The following HPS5 variants were observed in gnomAD, a reference collection of about 807,000 sequenced individuals.
HPS5 encodes HPS5 biogenesis of lysosomal organelles complex 2 subunit 2.
In HPS5, 83 loss-of-function variants were observed where a neutral mutation model predicts 128.0. The observed-to-expected ratio is 0.65, with a 90% confidence interval of 0.54 to 0.78. The LOEUF is 0.78. Among genes scored for constraint, HPS5 ranks in the 30% least tolerant of loss-of-function variants. HPS5 has a pLI of 0.00. For missense variants in HPS5, 1,281 were observed against 1,326.2 expected (o/e 0.97, Z 0.53); for synonymous variants, 475 against 470.2 (o/e 1.01, Z -0.13).
chr11:18,305,422 CTAAGATG>C lies in HPS5; in HGVS notation c.889_895del (p.His297ValfsTer6). 6.3e-7 allele frequency: 1 copy of C among 1,585,606 alleles called. No individual in the cohort carries two copies. Among genetic ancestry groups the C allele is most frequent in the Non-Finnish European group, 8.7e-7 (1 of 1,154,396 alleles). ...AGAACTAAGGAAAGTAGAAACTTACCTAAGATGTAAGAGTTTGGGGAAAGACAAAGAC... is the reference window on the plus strand; with the variant it reads ...AGAACTAAGGAAAGTAGAAACTTACCTAAGAGTTTGGGGAAAGACAAAGAC... On this transcript the variant is annotated frameshift_variant and splice_region_variant, in exon 8 of 23. Coordinates refer to ENST00000349215, the MANE Select transcript of HPS5 (RefSeq NM_181507.2). LOFTEE classifies it high-confidence loss of function.
intron 13 of HPS5, 122 bp from the exon 14 acceptor site, chr11:18,295,291 CTG>C: frequency 1.3e-6 from 1 of 775,554 alleles, no homozygotes; most frequent in Admixed American, 2.3e-5. Flanking sequence ...TTAGTAAAGA[CTG>C]TTTATAGCAA....
rs547817148 is a variant in HPS5 at position 18,321,989 on chromosome 11, G to A, written c.-93C>T. 1 of 152,706 alleles carries A rather than the reference G, an allele frequency of 6.5e-6. No homozygotes were observed. Among genetic ancestry groups the A allele is most frequent in the Non-Finnish European group, 1.5e-5 (1 of 68,326 alleles). The allele number at this position is 152,706 out of a possible 1,614,324, so 9.5% of individuals were successfully genotyped here. A position where few individuals can be genotyped will look rare whatever the true frequency, so the allele number is the denominator to read the frequency against. On this transcript the variant is annotated 5_prime_UTR_variant, in exon 1 of 23. Coordinates refer to ENST00000349215, the MANE Select transcript of HPS5 (RefSeq NM_181507.2). The stretch of plus-strand genomic sequence containing the variant: ...TTTAATATCTTGAGATTTCTTGAGA[G>A]GAGACCCAGTAACCAATTTTCAAAG...
intron 15 of HPS5, among the ~76,000 whole-genome samples, 162 bp downstream of exon 15, chr11:18,292,737 G>A (rs1860568513): frequency 1.3e-5 from 2 of 152,142 alleles, no homozygotes; most frequent in South Asian, 2.1e-4. Flanking sequence ...TTAGTCCTAG[G>A]AAGGCAACTT....
At chr11:18,319,918 A>G (rs1864114869) in intron 1 of HPS5, among the ~76,000 whole-genome samples, 1 of 152,110 alleles carries the variant, frequency 6.6e-6, no homozygotes, top group Non-Finnish European at 1.5e-5. Context: ...AGATAAAACC[A>G]TGGTACAGGA....
rs372380096 is a variant in HPS5 at position 18,287,699 on chromosome 11, A to G, written c.2562-9T>C. 5 of 1,614,010 alleles carry G rather than the reference A, an allele frequency of 3.1e-6. No homozygotes were observed. The highest frequency in any genetic ancestry group is 4.5e-5 in the East Asian group (2 of 44,876). Reference sequence around the variant, plus strand: ...CAAACTTTTCATACAACCTGCATTTAAAAACAAAACACTTTAGTCTCTAAT... The same window carrying G: ...CAAACTTTTCATACAACCTGCATTTGAAAACAAAACACTTTAGTCTCTAAT... On this transcript the variant is annotated splice_polypyrimidine_tract_variant and intron_variant, in intron 17 of 22. Coordinates refer to ENST00000349215, the MANE Select transcript of HPS5 (RefSeq NM_181507.2).
Position 18,285,478 on chromosome 11 carries a change from T to C in HPS5, c.2838-19A>G. 7 of 1,441,036 alleles carry C rather than the reference T, an allele frequency of 4.9e-6. No homozygotes were observed. The highest frequency in any genetic ancestry group is 6.8e-6 in the Non-Finnish European group (7 of 1,022,720). The allele number at this position is 1,441,036 out of a possible 1,614,324, so 89.3% of individuals were successfully genotyped here. ...ATGAGGCCTATGAAATGAAAAGGAA[T>C]CAGTAAATTAGATAGGAAATAAACT... On this transcript the variant is annotated intron_variant, in intron 19 of 22. Coordinates refer to ENST00000349215, the MANE Select transcript of HPS5 (RefSeq NM_181507.2).
chr11:18,292,921 T>G lies in HPS5; in HGVS notation c.1840A>C (p.Lys614Gln), dbSNP rs1333813289. The G allele has an allele frequency of 1.2e-6, 2 of 1,614,050 alleles. No homozygotes were observed. Among genetic ancestry groups the G allele is most frequent in the Non-Finnish European group, 1.7e-6 (2 of 1,179,838 alleles). The change falls in exon 15 of 23, where the codon AAA becomes CAA. Residue 614 changes from lysine (K) to glutamine (Q), a missense_variant. Coordinates refer to ENST00000349215, the MANE Select transcript of HPS5 (RefSeq NM_181507.2). ...PPEEDRFQELKVATAEAMTKL... is the reference protein window; with the variant it reads ...PPEEDRFQELQVATAEAMTKL... ...CACATTGCTTCTGCTGTTGCTACTT[T>G]AAGCTCCTGGAACCTGTCTTCTTCT...
In HPS5 at chr11:18,310,845, T is replaced by G; in HGVS notation, c.373A>C (p.Arg125=). 6.2e-7 allele frequency: 1 copy of G among 1,612,762 alleles called. No homozygotes were observed. Among genetic ancestry groups the G allele is most frequent in the East Asian group, 2.2e-5 (1 of 44,788 alleles). ...GTATCCCAGCAGAGAGCTGTGACTCTTCGGCCTTTGTGTTCTGAAGACACA... is the reference window on the plus strand; with the variant it reads ...GTATCCCAGCAGAGAGCTGTGACTCGTCGGCCTTTGTGTTCTGAAGACACA... ...MYVSSEHKGR[R]VTALCWDTAI... is the part of the protein sequence containing the mutation. The change falls in exon 5 of 23, where the codon AGA becomes CGA. Residue 125 remains arginine (R), a synonymous_variant. Coordinates refer to ENST00000349215, the MANE Select transcript of HPS5 (RefSeq NM_181507.2).
chr11:18,318,517 A>G (rs950060869), intron 1 of HPS5, among the ~76,000 whole-genome samples: 2 of 152,264 alleles, frequency 1.3e-5, no homozygotes, highest in African/African-American at 4.8e-5. Flanking sequence ...GAGACTAGAT[A>G]GGACAGAATA....
Position 18,311,430 on chromosome 11 carries a change from C to A in HPS5, c.241G>T (p.Ala81Ser), listed in dbSNP as rs147053126. 1.9e-6 allele frequency: 3 copies of A among 1,608,370 alleles called. No individual in the cohort carries two copies. The highest frequency in any genetic ancestry group is 2.7e-5 in the African/African-American group (2 of 74,734). Reference protein sequence around the residue: ...SHREGAISQVACCLHDDDYVA... With the variant: ...SHREGAISQVSCCLHDDDYVA... ...TAATCATCATCATGTAAACAACAGG[C>A]GACTTGAGAAATTGCACCTTCCTAG... The change falls in exon 4 of 23, where the codon GCC (alanine) becomes TCC (serine). Residue 81 changes from alanine (A) to serine (S), a missense_variant. Physicochemically the swap from Ala to Ser is moderately conservative, Grantham distance 99. Transcript: ENST00000349215.
At chr11:18,317,182 A>G (rs968636354) in intron 2 of HPS5, among the ~76,000 whole-genome samples, 5 of 80,536 alleles carry the variant, frequency 6.2e-5, no homozygotes, top group African/African-American at 2.3e-4. Context: ...CAACAGAGCG[A>G]GACTCCGTCT....
chr11:18,298,099 AG>A (rs1861292749), intron 10 of HPS5, among the ~76,000 whole-genome samples: 1 of 151,062 alleles, frequency 6.6e-6, no homozygotes, highest in Non-Finnish European at 1.5e-5. Context: ...AAAAAAAAAA[AG>A]AAAAAAGAAA....
At chr11:18,285,073 A>G (rs886142510) in intron 20 of HPS5, among the ~76,000 whole-genome samples, 3 of 151,954 alleles carry the variant, frequency 2.0e-5, no homozygotes, top group African/African-American at 7.3e-5. Context: ...ATTAAATACT[A>G]TCTACATGCC....
chr11:18,318,620 G>A (rs1017969526), intron 1 of HPS5, among the ~76,000 whole-genome samples: 8 of 152,102 alleles, frequency 5.3e-5, no homozygotes, highest in African/African-American at 1.9e-4. Flanking sequence ...ACTCTCAAAT[G>A]CACTTTTTTG....
At chr11:18,298,727 A>G in intron 10 of HPS5, 65 bp downstream of exon 10, 1 of 1,530,254 alleles carries the variant, frequency 6.5e-7, no homozygotes, top group Non-Finnish European at 9.1e-7. Context: ...TTTGTAACAC[A>G]ATCTTGCAAG....
At chr11:18,292,282 T>A (rs1860508847) in intron 15 of HPS5, among the ~76,000 whole-genome samples, 1 of 150,680 alleles carries the variant, frequency 6.6e-6, no homozygotes, top group Non-Finnish European at 1.5e-5. Context: ...CAAACATAGC[T>A]CACTGCAGGC....
At chr11:18,286,988 CTGAGGCCATAAGTT>C in intron 18 of HPS5, 2 of 600,708 alleles carry the variant, frequency 3.3e-6, no homozygotes, top group Non-Finnish European at 2.9e-6. Flanking sequence ...AGGAAGATCA[CTGAGGCCATAAGTT>C]TGAGGCTGTA....
chr11:18,310,812 G>C lies in HPS5; in HGVS notation c.406C>G (p.Leu136Val), dbSNP rs2134473815. ...VTALCWDTAI[L>V]RVFVGDHAGK... Reference sequence around the variant, plus strand: ...GCATGATCACCTACAAAAACTCTAAGAATAGCTGTATCCCAGCAGAGAGCT... The same window carrying C: ...GCATGATCACCTACAAAAACTCTAACAATAGCTGTATCCCAGCAGAGAGCT... Residue 136 changes from leucine to valine, a missense_variant, in exon 5 of 23, where the codon CTT (leucine) becomes GTT (valine). Transcript: ENST00000349215. 6.2e-7 allele frequency: 1 copy of C among 1,614,092 alleles called. No homozygotes were observed. Among genetic ancestry groups the C allele is most frequent in the South Asian group, 1.1e-5 (1 of 91,084 alleles).
At chr11:18,300,967 T>C (rs1378400342) in intron 8 of HPS5, 51 bp from the exon 9 acceptor site, 1 of 1,063,304 alleles carries the variant, frequency 9.4e-7, no homozygotes, top group Admixed American at 1.7e-5. Flanking sequence ...TACAAAAGTT[T>C]ATAATTCCCC....
Sources: allele counts gnomAD v4.1 joint callset (sites outside exome capture counted in the v4.1 genomes callset), GRCh38; gene constraint gnomAD v4.1.1; transcripts MANE v1.5; gene names NCBI Gene and HGNC (gene_info 2026-07-23, HGNC 2026-07-21).